The following KIF21B variants were observed in gnomAD, a reference collection of about 807,000 sequenced individuals.
KIF21B encodes kinesin family member 21B.
In KIF21B, 85 loss-of-function variants were observed where a neutral mutation model predicts 192.9. That is an observed-to-expected ratio of 0.44 (90% confidence interval 0.37 to 0.53). The LOEUF (loss-of-function observed/expected upper bound fraction) is 0.53. KIF21B is among the 20% of genes least tolerant of loss of function. The pLI is 0.00. For missense variants in KIF21B, 1,716 were observed against 2,194.8 expected (o/e 0.78, Z 4.36); for synonymous variants, 832 against 884.6 (o/e 0.94, Z 1.05).
At chr1:201,015,981 T>C (rs1378466682) in intron 1 of KIF21B, among the ~76,000 whole-genome samples, 1 of 152,208 alleles carries the variant, frequency 6.6e-6, no homozygotes, top group Non-Finnish European at 1.5e-5. Context: ...TGAGGACACA[T>C]ACTACCTAGT....
At chr1:201,012,286 G>A in intron 1 of KIF21B, among the ~76,000 whole-genome samples, 1 of 152,172 alleles carries the variant, frequency 6.6e-6, no homozygotes, top group Admixed American at 6.5e-5. Context: ...TGGGAGACAG[G>A]GGGGCATGGA....
chr1:200,973,167 T>A lies in KIF21B; in HGVS notation c.*354A>T. On this transcript the variant is annotated 3_prime_UTR_variant, in exon 35 of 35. Transcript: ENST00000461742. Reference sequence around the variant, plus strand: ...TGGGATGGGGCCAGGCTGCTGCACCTCCCCACAGGGCTCCACCACTGGGCC... The same window carrying A: ...TGGGATGGGGCCAGGCTGCTGCACCACCCCACAGGGCTCCACCACTGGGCC... 1 of 232,534 alleles carries A rather than the reference T, an allele frequency of 4.3e-6. No homozygotes were observed. The highest frequency in any genetic ancestry group is 8.3e-6 in the Non-Finnish European group (1 of 120,854). 14.4% of individuals were successfully genotyped at this position (232,534 alleles called of 1,614,324 possible).
rs1243878342 is a variant in KIF21B, at chr1:201,000,564, C to A, written c.1511G>T (p.Arg504Leu). The change falls in exon 11 of 35, where the codon CGC (arginine) becomes CTC (leucine). Residue 504 changes from arginine to leucine, a missense_variant. Coordinates refer to ENST00000461742, the MANE Select transcript of KIF21B (RefSeq NM_001252102.2). The surrounding 1 kb of genome is among the most constrained non-coding windows in gnomAD (Gnocchi z 6.0). Reference protein sequence around the residue: ...ESEAMNESLRRSLSRASARSP... With the variant: ...ESEAMNESLRLSLSRASARSP... ...CCTAGCCGAGGCCCGTGAGAGGCTGCGGCGCAGGGACTCGTTCATGGCTTC... is the reference window on the plus strand; with the variant it reads ...CCTAGCCGAGGCCCGTGAGAGGCTGAGGCGCAGGGACTCGTTCATGGCTTC... 1.2e-6 allele frequency: 2 copies of A among 1,613,002 alleles called. No homozygotes were observed. The highest frequency in any genetic ancestry group is 1.7e-6 in the Non-Finnish European group (2 of 1,179,730).
At chr1:200,986,616 C>T (rs1252513942) in intron 26 of KIF21B, among the ~76,000 whole-genome samples, 2 of 152,190 alleles carry the variant, frequency 1.3e-5, no homozygotes, top group South Asian at 2.1e-4. Flanking sequence ...TCTCAGCCTC[C>T]CAAAGTGCTG....
At position 200,973,519 on chromosome 1, in the gene KIF21B, T is replaced by C; in HGVS notation, c.*2A>G. On this transcript the variant is annotated 3_prime_UTR_variant, in exon 35 of 35. Transcript: ENST00000461742. ...TCCGGGGGCATCCCTCTGACCTCAC[T>C]CCTAGGGTGGGCCGCTGTGGGGTAA... The C allele has an allele frequency of 6.8e-7, 1 of 1,478,634 alleles. No homozygotes were observed. Among genetic ancestry groups the C allele is most frequent in the South Asian group, 1.3e-5 (1 of 74,476 alleles). The allele number at this position is 1,478,634 out of a possible 1,614,324, so 91.6% of individuals were successfully genotyped here. A position where few individuals can be genotyped will look rare whatever the true frequency, so the allele number is the denominator to read the frequency against.
intron 6 of KIF21B, 30 bp downstream of exon 6, chr1:201,004,736 G>A (rs1448538450): frequency 1.2e-6 from 2 of 1,613,690 alleles, no homozygotes; most frequent in Non-Finnish European, 1.7e-6. Flanking sequence ...CTGTGTGGGT[G>A]CTGGGGCTGA....
rs368082113 is a variant in KIF21B at position 200,990,068 on chromosome 1, C to T, written c.3031-25G>A. On this transcript the variant is annotated intron_variant, in intron 20 of 34. Transcript: ENST00000461742. This position sits in a 1 kb window ranked among gnomAD's most constrained non-coding sequence, Gnocchi z 5.4. ...CCTAGGACCGGGAGGCAGAGAGCCC[C>T]GTCACCTGGGGCTACCCCTGCCACC... 2.0e-5 allele frequency: 32 copies of T among 1,612,474 alleles called. No individual in the cohort carries two copies. The highest frequency in any genetic ancestry group is 1.8e-4 in the East Asian group (8 of 44,890).
Position 200,983,004 on chromosome 1 carries a change from G to A in KIF21B, c.3842+52C>T. 2 of 1,487,556 alleles carry A rather than the reference G, an allele frequency of 1.3e-6. 1 individual carries two copies. Among genetic ancestry groups the A allele is most frequent in the South Asian group, 2.4e-5 (2 of 83,092 alleles). The allele number at this position is 1,487,556 out of a possible 1,614,324, so 92.1% of individuals were successfully genotyped here. On this transcript the variant is annotated intron_variant, in intron 28 of 34. Coordinates refer to ENST00000461742, the MANE Select transcript of KIF21B (RefSeq NM_001252102.2). The stretch of plus-strand genomic sequence containing the variant: ...ATGCAGCAAGAGACAGAGAAGAGAG[G>A]GTGCCGAGAGTGAGAGTGGGGAACC...
chr1:201,011,570 A>G (rs6687260), intron 1 of KIF21B, among the ~76,000 whole-genome samples: 85,033 of 152,214 alleles, frequency 0.56, 26,119 homozygotes, highest in African/African-American at 0.83. Flanking sequence ...AGAGAGAGCA[A>G]GAGCAACCTT....
chr1:200,996,814 A>T (rs1455852645), intron 14 of KIF21B, among the ~76,000 whole-genome samples: 1 of 151,920 alleles, frequency 6.6e-6, no homozygotes, highest in Non-Finnish European at 1.5e-5. Flanking sequence ...CTGATTCTCC[A>T]CTCTTGGCCT....
chr1:200,977,268 C>T lies in KIF21B; in HGVS notation c.4269G>A (p.Ser1423=), dbSNP rs370656396. The change falls in exon 31 of 35, where the codon TCG becomes TCA. Residue 1423 remains serine, a synonymous_variant. Coordinates refer to ENST00000461742, the MANE Select transcript of KIF21B (RefSeq NM_001252102.2). ...HQINQIALSP[S]GTMLYAASGN... ...CCGAGGCGGCGTACAGCATGGTGCCCGAAGGGCTGAGGGCGATCTGGTTGA... is the reference window on the plus strand; with the variant it reads ...CCGAGGCGGCGTACAGCATGGTGCCTGAAGGGCTGAGGGCGATCTGGTTGA... 9.3e-6 allele frequency: 15 copies of T among 1,614,048 alleles called. No individual in the cohort carries two copies. Among genetic ancestry groups the T allele is most frequent in the East Asian group, 8.9e-5 (4 of 44,892 alleles).
At position 200,990,614 on chromosome 1, in the gene KIF21B, T is replaced by C. The variant is rs142794607; in HGVS notation, c.2797A>G (p.Ile933Val). The C allele has an allele frequency of 1.2e-6, 2 of 1,614,000 alleles. No homozygotes were observed. The highest frequency in any genetic ancestry group is 1.7e-6 in the Non-Finnish European group (2 of 1,180,020). ...TCCATGTCAGCCTCCAGGTTGACAA[T>C]GGTCATTCTCTGCATGACGATGTCA... Reference protein sequence around the residue: ...IIDIVMQRMTIVNLEADMERL... With the variant: ...IIDIVMQRMTVVNLEADMERL... Residue 933 changes from isoleucine (I) to valine (V), a missense_variant, in exon 19 of 35, where the codon ATT (isoleucine) becomes GTT (valine). Ile to Val is a conservative substitution (Grantham distance 29). Around this residue, in one of 3 missense-constraint regions of KIF21B, gnomAD observed 1,087 missense variants for 1,316.6 expected, o/e 0.83. Transcript: ENST00000461742. This position sits in a 1 kb window ranked among gnomAD's most constrained non-coding sequence, Gnocchi z 5.4.
At chr1:200,984,810 C>T in intron 27 of KIF21B, 49 bp downstream of exon 27, 1 of 1,365,374 alleles carries the variant, frequency 7.3e-7, no homozygotes, top group Non-Finnish European at 9.9e-7. Flanking sequence ...CACAGGCTCC[C>T]CATTGCCACC....
At chr1:200,989,018 T>C (rs1182237047) in intron 21 of KIF21B, 87 bp from the exon 22 acceptor site, 93 of 1,350,360 alleles carry the variant, frequency 6.9e-5, no homozygotes, top group East Asian at 4.7e-4. Context: ...TCAAGACACC[T>C]TGGAGTGCTC....
chr1:200,971,185 C>T lies in KIF21B; in HGVS notation c.*2336G>A, dbSNP rs563690092. ...ATCCCTGAAAGAGTGGGCAGAGAAT[C>T]CAACTCTCATGAAGCACAACTCGGG... On this transcript the variant is annotated 3_prime_UTR_variant, in exon 35 of 35. Transcript: ENST00000461742. 1 of 152,914 alleles carries T rather than the reference C, an allele frequency of 6.5e-6. No individual in the cohort carries two copies. The highest frequency in any genetic ancestry group is 2.4e-5 in the African/African-American group (1 of 41,592). 9.5% of individuals were successfully genotyped at this position (152,914 alleles called of 1,614,324 possible).
intron 6 of KIF21B, 87 bp from the exon 7 acceptor site, chr1:201,004,542 T>C: frequency 8.0e-7 from 1 of 1,251,192 alleles, no homozygotes. Flanking sequence ...CATCTGTACC[T>C]GCCTCTTTGG....
chr1:200,976,268 T>G (rs1427903678), intron 32 of KIF21B, among the ~76,000 whole-genome samples: 1 of 152,098 alleles, frequency 6.6e-6, no homozygotes, highest in Non-Finnish European at 1.5e-5. Context: ...TGTTTTGTAT[T>G]TTTAGTAGAG....
chr1:200,976,655 T>C, intron 32 of KIF21B, 121 bp downstream of exon 32: 2 of 575,226 alleles, frequency 3.5e-6, no homozygotes, highest in Middle Eastern at 5.7e-4. Flanking sequence ...TTTGGGGTGA[T>C]TTCTTCAGCA....
In KIF21B at chr1:201,017,502, C is replaced by A. The variant is rs1288738392; in HGVS notation, c.41+5841G>T. On this transcript the variant is annotated intron_variant, in intron 1 of 34. Transcript: ENST00000461742. The surrounding 1 kb of genome is among the most constrained non-coding windows in gnomAD (Gnocchi z 4.1). ...TCTGGCAGGGGTTTCCCATGACCTC[C>A]CCAGAGACAGGAGACGCTGCAGAGT... Among the ~76,000 whole-genome samples the A allele has an allele frequency of 1.3e-5, 2 of 152,246 alleles. No individual in the cohort carries two copies. Among genetic ancestry groups the A allele is most frequent in the African/African-American group, 2.4e-5 (1 of 41,464 alleles).
Sources: gnomAD v4.1 joint callset for allele counts (sites outside exome capture counted in the v4.1 genomes callset) on GRCh38, gnomAD v4.1.1 for gene constraint, gnomAD v4.1.1 regional missense constraint, Gnocchi (gnomAD v3.1) non-coding constraint, MANE v1.5 for transcripts, NCBI Gene and HGNC (gene_info 2026-07-23, HGNC 2026-07-21) for gene names.